ZNF692: variants seen among roughly 807,000 people sequenced by gnomAD.
ZNF692 encodes AICAR responsive element binding protein.
In ZNF692, 41 loss-of-function variants were observed where a neutral mutation model predicts 49.0. The observed-to-expected ratio is 0.84, with a 90% confidence interval of 0.65 to 1.08. ZNF692 has a LOEUF of 1.08. ZNF692 is among the 50% of genes least tolerant of loss of function. ZNF692 has a pLI of 0.00. For missense variants in ZNF692, 662 were observed against 662.2 expected, an observed-to-expected ratio of 1.00 and a Z score of 0.00; for synonymous variants, 288 against 251.5, an observed-to-expected ratio of 1.15 and a Z score of -1.37.
At chr1:248,852,292 C>G (rs1018922563) in intron 10 of ZNF692, among the ~76,000 whole-genome samples, 3 of 152,186 alleles carry the variant, frequency 2.0e-5, no homozygotes, top group African/African-American at 7.2e-5. Context: ...GCTCTTGTTT[C>G]TAAAGTCGCC....
intron 10 of ZNF692, 67 bp from the exon 11 acceptor site, chr1:248,850,848 C>G (rs1659489508): frequency 2.2e-6 from 3 of 1,365,438 alleles, no homozygotes; most frequent in African/African-American, 3.2e-5. Flanking sequence ...GCCCACCCCA[C>G]CCACTGTCCC....
chr1:248,856,128 C>T (rs1660207978), intron 6 of ZNF692, 160 bp downstream of exon 6: 2 of 1,304,244 alleles, frequency 1.5e-6, no homozygotes, highest in African/African-American at 1.5e-5. Context: ...CACCCCTTTT[C>T]ACCCCCTCAG....
At chr1:248,851,161 A>T (rs1360109655) in intron 10 of ZNF692, among the ~76,000 whole-genome samples, 1 of 152,140 alleles carries the variant, frequency 6.6e-6, no homozygotes, top group Admixed American at 6.5e-5. Context: ...AGTGGGCAGC[A>T]GCCAAGCAGA....
chr1:248,851,800 A>G (rs886077733), intron 10 of ZNF692, among the ~76,000 whole-genome samples: 2 of 152,218 alleles, frequency 1.3e-5, no homozygotes, highest in Non-Finnish European at 2.9e-5. Flanking sequence ...AGGAGGAGAA[A>G]AAAAAGAAAT....
At chr1:248,855,665 C>G in intron 7 of ZNF692, 30 bp from the exon 8 acceptor site, 1 of 1,614,198 alleles carries the variant, frequency 6.2e-7, no homozygotes, top group South Asian at 1.1e-5. Context: ...AGCAGAGGGC[C>G]TCGAGGGAGG....
At chr1:248,855,703 T>C in intron 7 of ZNF692, 22 bp downstream of exon 7, 1 of 1,614,188 alleles carries the variant, frequency 6.2e-7, no homozygotes, top group Non-Finnish European at 8.5e-7. Context: ...CCCTGCCCTT[T>C]CTGTCTCAGC....
intron 4 of ZNF692, among the ~76,000 whole-genome samples, 195 bp downstream of exon 4, chr1:248,857,039 T>C (rs1468683938): frequency 2.0e-5 from 3 of 152,226 alleles, no homozygotes; most frequent in Non-Finnish European, 4.4e-5. Flanking sequence ...TTTGTATTTT[T>C]CACCAATGAT....
At position 248,850,751 on chromosome 1, in the gene ZNF692, G is replaced by C. The variant is rs1659471520; in HGVS notation, c.1184C>G (p.Ala395Gly). 6.2e-7 allele frequency: 1 copy of C among 1,614,118 alleles called. No individual in the cohort carries two copies. Among genetic ancestry groups the C allele is most frequent in the African/African-American group, 1.3e-5 (1 of 75,008 alleles). The change falls in exon 11 of 12, where the codon GCC becomes GGC. Residue 395 changes from alanine (A) to glycine (G), a missense_variant. By Grantham distance (60) the Ala-to-Gly change is moderately conservative. Transcript: ENST00000306601. ...GTTGCTGCTAGTGCGGAAAGACCGG[G>C]CGCAGAACTCACAGATGTAGTCCCG... is the stretch of plus-strand genomic sequence containing the variant. Reference protein sequence around the residue: ...DTRDYICEFCARSFRTSSNLV... With the variant: ...DTRDYICEFCGRSFRTSSNLV...
chr1:248,850,332 CTT>C lies in ZNF692; in HGVS notation c.1436_1437del (p.Gln479ArgfsTer?). 6.2e-7 allele frequency: 1 copy of C among 1,614,024 alleles called. No individual in the cohort carries two copies. The highest frequency in any genetic ancestry group is 8.5e-7 in the Non-Finnish European group (1 of 1,179,994). Reference sequence around the variant, plus strand: ...GGCTCTAGGGGACCACTGGGTGACTCTTGAGGGGCTAGAAGCAGGGCTGGGTG... The same window carrying C: ...GGCTCTAGGGGACCACTGGGTGACTCGAGGGGCTAGAAGCAGGGCTGGGTG... ...KSHPALLLAPQESPSGPLEPC... is the reference protein window; with the variant it reads ...KSHPALLLAPXESPSGPLEPC... On this transcript the variant is annotated frameshift_variant, in exon 12 of 12. Coordinates refer to ENST00000306601, the MANE Select transcript of ZNF692 (RefSeq NM_017865.4). LOFTEE classifies it low-confidence loss of function (END_TRUNC).
Position 248,858,169 on chromosome 1 carries a change from G to C in ZNF692, c.141C>G (p.Phe47Leu). The C allele has an allele frequency of 6.3e-7, 1 of 1,575,308 alleles. No individual in the cohort carries two copies. The highest frequency in any genetic ancestry group is 8.6e-7 in the Non-Finnish European group (1 of 1,161,540). ...ACTTGGCGAGCTGCGAGTGCAGGGA[G>C]AAGCCCAGCCGCTCCTTGAGGAGGC... ...QWCLLKERLG[F>L]SLHSQLAKFL... is the part of the protein sequence containing the mutation. The change falls in exon 2 of 12, where the codon TTC becomes TTG. Residue 47 changes from phenylalanine to leucine, a missense_variant. Coordinates refer to ENST00000306601, the MANE Select transcript of ZNF692 (RefSeq NM_017865.4). The surrounding 1 kb of genome is among the most constrained non-coding windows in gnomAD (Gnocchi z 4.3).
At position 248,855,730 on chromosome 1, in the gene ZNF692, C is replaced by G. The variant is rs371975767; in HGVS notation, c.876G>C (p.Leu292=). 1.2e-6 allele frequency: 2 copies of G among 1,614,216 alleles called. No homozygotes were observed. The highest frequency in any genetic ancestry group is 1.7e-6 in the Non-Finnish European group (2 of 1,180,042). Residue 292 remains leucine (L), a synonymous_variant, in exon 7 of 12, where the codon CTG becomes CTC. Transcript: ENST00000306601. ...TPQAAQQTEA[L]ASTGSQAQSA... is the part of the protein sequence containing the mutation. ...TGTCTCAGCCATCAGGTTACCTGGCCAGGGCCTCAGTCTGCTGGGCCGCTT... is the reference window on the plus strand; with the variant it reads ...TGTCTCAGCCATCAGGTTACCTGGCGAGGGCCTCAGTCTGCTGGGCCGCTT...
chr1:248,857,270 A>G lies in ZNF692; in HGVS notation c.439T>C (p.Trp147Arg), dbSNP rs1415202027. ...ASLPHTTRRS[W>R]CSEATSGQEL... is the part of the protein sequence containing the mutation. ...TGCCCACTCGTGGCCTCGGAACACC[A>G]ACTTCTCCGAGTAGTATGTGGAAGG... The change falls in exon 4 of 12, where the codon TGG (tryptophan) becomes CGG (arginine). Residue 147 changes from tryptophan to arginine, a missense_variant. Coordinates refer to ENST00000306601, the MANE Select transcript of ZNF692 (RefSeq NM_017865.4). The G allele has an allele frequency of 1.2e-6, 2 of 1,614,006 alleles. No homozygotes were observed. The highest frequency in any genetic ancestry group is 8.5e-7 in the Non-Finnish European group (1 of 1,179,952).
At chr1:248,852,605 G>A (rs1659725543) in intron 10 of ZNF692, among the ~76,000 whole-genome samples, 1 of 152,152 alleles carries the variant, frequency 6.6e-6, no homozygotes, top group Admixed American at 6.5e-5. Context: ...TGCCTTGAAT[G>A]CACTCCGTTC....
rs770556352 is a variant in ZNF692 at position 248,850,404 on chromosome 1, G to T, written c.1366C>A (p.Arg456Ser). Reference sequence around the variant, plus strand: ...GCAACACTGTCTGGCTTCTCAAAGCGCTTGCCGCAGAATTCACAGGGGAAG... The same window carrying T: ...GCAACACTGTCTGGCTTCTCAAAGCTCTTGCCGCAGAATTCACAGGGGAAG... Reference protein sequence around the residue: ...LRFPCEFCGKRFEKPDSVAAH... With the variant: ...LRFPCEFCGKSFEKPDSVAAH... Residue 456 changes from arginine (R) to serine (S), a missense_variant, in exon 12 of 12, where the codon CGC (arginine) becomes AGC (serine). Coordinates refer to ENST00000306601, the MANE Select transcript of ZNF692 (RefSeq NM_017865.4). 1 of 1,614,168 alleles carries T rather than the reference G, an allele frequency of 6.2e-7. No homozygotes were observed. The highest frequency in any genetic ancestry group is 1.3e-5 in the African/African-American group (1 of 75,072).
intron 9 of ZNF692, 26 bp from the exon 10 acceptor site, chr1:248,854,077 A>C (rs763043292): frequency 2.0e-5 from 31 of 1,579,524 alleles, no homozygotes; most frequent in African/African-American, 2.7e-5. Flanking sequence ...GGTGGTAGGG[A>C]GAGAAGAGGC....
rs1480649818 is a variant in ZNF692 at position 248,856,513 on chromosome 1, C to G, written c.524+1G>C. On this transcript the variant is annotated splice_donor_variant, in intron 5 of 11. Coordinates refer to ENST00000306601, the MANE Select transcript of ZNF692 (RefSeq NM_017865.4). LOFTEE classifies it high-confidence loss of function. ...CTTTTCTCTCCTATCCACATCCTCA[C>G]CTGGGCAACCTGGCCTCTTGAGTCC... 1 of 1,614,112 alleles carries G rather than the reference C, an allele frequency of 6.2e-7. No homozygotes were observed. The highest frequency in any genetic ancestry group is 8.5e-7 in the Non-Finnish European group (1 of 1,180,048).
chr1:248,858,392 T>C lies in ZNF692; in HGVS notation c.-12-71A>G, dbSNP rs1660503642. 1.3e-6 allele frequency: 2 copies of C among 1,540,494 alleles called. No homozygotes were observed. The highest frequency in any genetic ancestry group is 1.8e-6 in the Non-Finnish European group (2 of 1,138,364). On this transcript the variant is annotated intron_variant, in intron 1 of 11. Coordinates refer to ENST00000306601, the MANE Select transcript of ZNF692 (RefSeq NM_017865.4). This position sits in a 1 kb window ranked among gnomAD's most constrained non-coding sequence, Gnocchi z 4.3. Reference sequence around the variant, plus strand: ...GTCGGGGACCCGGCTCCACCTGCCGTTAGGGCCTCAGTTTCCTCATCAGTG... The same window carrying C: ...GTCGGGGACCCGGCTCCACCTGCCGCTAGGGCCTCAGTTTCCTCATCAGTG...
At chr1:248,853,299 T>C (rs1470576267) in intron 10 of ZNF692, among the ~76,000 whole-genome samples, 1 of 152,188 alleles carries the variant, frequency 6.6e-6, no homozygotes, top group African/African-American at 2.4e-5. Context: ...GAGGTCCCCC[T>C]GTTCACACAG....
Position 248,857,508 on chromosome 1 carries a change from G to T in ZNF692, c.212-11C>A, listed in dbSNP as rs113355587. The T allele has an allele frequency of 1.3e-3, 2,137 of 1,606,936 alleles. 26 individuals are homozygous for T. In the African/African-American group the frequency reaches 0.025, roughly 19 times the overall value. Reference sequence around the variant, plus strand: ...GCAAAGGCTCAGGACCTGGAGGGGTGGGGGAAGCAGTCAGGCTGAACTGGG... The same window carrying T: ...GCAAAGGCTCAGGACCTGGAGGGGTTGGGGAAGCAGTCAGGCTGAACTGGG... On this transcript the variant is annotated splice_polypyrimidine_tract_variant and intron_variant, in intron 3 of 11. Coordinates refer to ENST00000306601, the MANE Select transcript of ZNF692 (RefSeq NM_017865.4).
Sources: gnomAD v4.1 joint callset for allele counts (sites outside exome capture counted in the v4.1 genomes callset) on GRCh38, gnomAD v4.1.1 for gene constraint, Gnocchi (gnomAD v3.1) non-coding constraint, MANE v1.5 for transcripts, NCBI Gene and HGNC (gene_info 2026-07-23, HGNC 2026-07-21) for gene names.